ROBO2: variants seen among roughly 807,000 people sequenced by gnomAD.
ROBO2 encodes the protein roundabout homolog 2.
ROBO2 carries 53 observed loss-of-function variants against 160.8 expected under a neutral mutation model. The observed-to-expected ratio is 0.33, with a 90% CI of 0.26 to 0.41. The LOEUF is 0.41. Ranked by LOEUF, ROBO2 falls within the 10% of genes least tolerant of loss-of-function variation. The pLI is 1.00. For synonymous variants in ROBO2, 664 were observed against 611.7 expected (o/e 1.09, Z -1.26); for missense variants, 1,577 against 1,722.4 (o/e 0.92, Z 1.49).
intron 2 of ROBO2, among the ~76,000 whole-genome samples, chr3:76,035,916 G>A (rs930350038): frequency 6.6e-6 from 1 of 151,842 alleles, no homozygotes; most frequent in Admixed American, 6.6e-5. Flanking sequence ...ACCTTTTCAT[G>A]GAAAAACGCA....
chr3:77,001,288 G>A (rs4131602), intron 2 of ROBO2, among the ~76,000 whole-genome samples: 46,583 of 152,022 alleles, frequency 0.31, 7,639 homozygotes, highest in East Asian at 0.65. Flanking sequence ...AGTTTTGGCT[G>A]CAAAACCATC....
intron 2 of ROBO2, among the ~76,000 whole-genome samples, chr3:76,342,982 C>A (rs375233452): frequency 1.3e-5 from 2 of 151,912 alleles, no homozygotes; most frequent in South Asian, 2.1e-4. Flanking sequence ...AGCTTGTTTG[C>A]ATTATAAATG....
At chr3:76,622,154 G>C (rs1450441500) in intron 2 of ROBO2, among the ~76,000 whole-genome samples, 1 of 149,656 alleles carries the variant, frequency 6.7e-6, no homozygotes, top group Non-Finnish European at 1.5e-5. Context: ...GACTAGCCTG[G>C]ACAACATAGC....
chr3:76,540,681 C>G (rs546455909), intron 2 of ROBO2, among the ~76,000 whole-genome samples: 1 of 152,178 alleles, frequency 6.6e-6, no homozygotes, highest in African/African-American at 2.4e-5. Context: ...TGTCATTTGC[C>G]TTATTCTCTA....
At chr3:76,848,362 A>G (rs2068978711) in intron 2 of ROBO2, among the ~76,000 whole-genome samples, 1 of 152,142 alleles carries the variant, frequency 6.6e-6, no homozygotes, top group Non-Finnish European at 1.5e-5. Flanking sequence ...GCATTGTAAC[A>G]TGATTTTTGT....
At chr3:76,477,394 C>T (rs961972494) in intron 2 of ROBO2, among the ~76,000 whole-genome samples, 2 of 152,110 alleles carry the variant, frequency 1.3e-5, no homozygotes, top group Non-Finnish European at 2.9e-5. Context: ...CAGCACCCTA[C>T]TCCATGTGTA....
Position 76,780,361 on chromosome 3 carries a change from C to T in ROBO2, c.110-317653C>T, listed in dbSNP as rs188959747. Among the ~76,000 whole-genome samples, 124 of 150,886 alleles carry T rather than the reference C, an allele frequency of 8.2e-4. No homozygotes were observed. The Middle Eastern group carries it at 0.017, about 21-fold the overall frequency. The stretch of plus-strand genomic sequence containing the variant: ...TTAGATGTATGGTTTACAAATGTTT[C>T]CTCCCACGCTGTAGGTTGCTTTTTC... On this transcript the variant is annotated intron_variant, in intron 2 of 26. Transcript: ENST00000487694.
chr3:77,455,588 C>G (rs897703598), intron 2 of ROBO2, among the ~76,000 whole-genome samples: 10 of 152,040 alleles, frequency 6.6e-5, no homozygotes, highest in Admixed American at 3.3e-4. Context: ...CACACCACCA[C>G]GCCCAGCTAA....
chr3:76,714,822 TAG>T (rs2093353968), intron 2 of ROBO2, among the ~76,000 whole-genome samples: 1 of 152,164 alleles, frequency 6.6e-6, no homozygotes, highest in Non-Finnish European at 1.5e-5. Flanking sequence ...ATGTGAAATA[TAG>T]AGACTTACGG....
intron 2 of ROBO2, among the ~76,000 whole-genome samples, chr3:77,297,147 A>T (rs1421702600): frequency 2.0e-5 from 3 of 152,086 alleles, no homozygotes; most frequent in Non-Finnish European, 4.4e-5. Flanking sequence ...TCCAGCCACC[A>T]CAGGTGGATC....
intron 2 of ROBO2, among the ~76,000 whole-genome samples, chr3:77,431,882 T>C (rs150127693): frequency 1.5e-3 from 222 of 152,318 alleles, no homozygotes; most frequent in African/African-American, 4.3e-3. Flanking sequence ...GTAAGTATGT[T>C]GCTTGACACT....
chr3:76,831,067 T>G (rs932741399), intron 2 of ROBO2, among the ~76,000 whole-genome samples: 9 of 152,140 alleles, frequency 5.9e-5, no homozygotes, highest in African/African-American at 2.2e-4. Flanking sequence ...TATCTTACAT[T>G]TATTCTTTTT....
At chr3:77,225,955 T>C (rs2086448246) in intron 2 of ROBO2, among the ~76,000 whole-genome samples, 1 of 151,984 alleles carries the variant, frequency 6.6e-6, no homozygotes, top group African/African-American at 2.4e-5. Flanking sequence ...AGGAGGAGCA[T>C]TTTAATTAGA....
chr3:76,580,345 TTTTTTTTTG>T (rs2085612470), intron 2 of ROBO2, among the ~76,000 whole-genome samples: 2 of 144,516 alleles, frequency 1.4e-5, no homozygotes, highest in African/African-American at 2.5e-5. Flanking sequence ...TTTTTGTGTT[TTTTTTTTTG>T]TTTTTTTTTT....
intron 1 of ROBO2, among the ~76,000 whole-genome samples, chr3:75,930,709 A>G (rs1947497441): frequency 6.6e-6 from 1 of 152,232 alleles, no homozygotes; most frequent in Non-Finnish European, 1.5e-5. Context: ...TGGCACTGCC[A>G]GCCATGCTAG....
Position 77,340,734 on chromosome 3 carries a change from T to A in ROBO2, c.389-136680T>A, listed in dbSNP as rs556814086. 1.3e-4 allele frequency among the ~76,000 whole-genome samples: 20 copies of A among 152,244 alleles called. 1 individual carries two copies. The highest frequency in any genetic ancestry group is 4.6e-4 in the African/African-American group (19 of 41,568). On this transcript the variant is annotated intron_variant, in intron 2 of 25. Coordinates refer to ENST00000461745, the Ensembl canonical transcript of ROBO2. ...AAGCAGCTTGGTCATATTTTGCCCA[T>A]GAAGTTCTAGGTCACACTAGACTAG...
chr3:76,452,611 T>C (rs921574004), intron 2 of ROBO2, among the ~76,000 whole-genome samples: 2 of 152,204 alleles, frequency 1.3e-5, no homozygotes, highest in Non-Finnish European at 2.9e-5. Flanking sequence ...TCTTTGCTAT[T>C]GTGAATAGTG....
chr3:76,090,023 A>C (rs552778070), intron 2 of ROBO2, among the ~76,000 whole-genome samples: 1 of 152,328 alleles, frequency 6.6e-6, no homozygotes, highest in Non-Finnish European at 1.5e-5. Context: ...TTTTCTACAT[A>C]TTAGCGATGA....
chr3:76,686,245 T>A (rs920038631), intron 2 of ROBO2, among the ~76,000 whole-genome samples: 51 of 152,100 alleles, frequency 3.4e-4, no homozygotes, highest in African/African-American at 1.2e-3. Context: ...TAAAACCCAT[T>A]ACTAGTGTGT....
Sources: allele counts gnomAD v4.1 joint callset (sites outside exome capture counted in the v4.1 genomes callset), GRCh38; gene constraint gnomAD v4.1.1; transcripts MANE v1.5; gene names NCBI Gene and HGNC (gene_info 2026-07-23, HGNC 2026-07-21).